PTPRD: variants seen among roughly 807,000 people sequenced by gnomAD.
The protein encoded by PTPRD is protein tyrosine phosphatase receptor type D, also known as receptor-type tyrosine-protein phosphatase delta.
PTPRD carries 34 observed loss-of-function variants against 214.5 expected under a neutral mutation model. That is an observed-to-expected ratio of 0.16 (90% CI 0.12 to 0.21). PTPRD has a LOEUF of 0.21. Among genes scored for constraint, PTPRD ranks in the 10% least tolerant of loss-of-function variants. The pLI is 1.00. For missense variants in PTPRD, 2,545 were observed against 2,398.7 expected, an observed-to-expected ratio of 1.06 and a Z score of -1.27; for synonymous variants, 1,128 against 845.7, an observed-to-expected ratio of 1.33 and a Z score of -5.79.
chr9:10,465,581 G>C (rs1588799661), intron 2 of PTPRD, among the ~76,000 whole-genome samples: 2 of 152,098 alleles, frequency 1.3e-5, no homozygotes, highest in African/African-American at 4.8e-5. Flanking sequence ...TGGTGTTATT[G>C]TAGCCATTGT....
chr9:9,153,735 C>G (rs2099878830), intron 10 of PTPRD, among the ~76,000 whole-genome samples: 2 of 152,054 alleles, frequency 1.3e-5, no homozygotes, highest in Admixed American at 6.6e-5. Flanking sequence ...CTTTTCTAGC[C>G]AATTACCTTG....
intron 8 of PTPRD, among the ~76,000 whole-genome samples, chr9:9,426,777 G>A (rs1226041030): frequency 1.3e-5 from 2 of 152,130 alleles, no homozygotes; most frequent in African/African-American, 4.8e-5. Flanking sequence ...CCCTCCGCTG[G>A]TGATACCCAG....
At chr9:9,856,315 C>T (rs2061547826) in intron 5 of PTPRD, among the ~76,000 whole-genome samples, 1 of 152,056 alleles carries the variant, frequency 6.6e-6, no homozygotes. Flanking sequence ...GAAAAGGCAA[C>T]ATTTGAGTGG....
At chr9:9,014,673 A>AAG (rs1196000336) in intron 11 of PTPRD, among the ~76,000 whole-genome samples, 2 of 152,112 alleles carry the variant, frequency 1.3e-5, no homozygotes, top group African/African-American at 2.4e-5. Flanking sequence ...TACATGGGAG[A>AAG]CAATCTGAGG....
intron 6 of PTPRD, among the ~76,000 whole-genome samples, chr9:9,742,700 G>GT (rs1405771363): frequency 6.6e-6 from 1 of 151,812 alleles, no homozygotes; most frequent in Admixed American, 6.6e-5. Context: ...TCTCAAATAT[G>GT]TAACACAAGA....
chr9:10,516,973 G>A (rs940083982), intron 2 of PTPRD, among the ~76,000 whole-genome samples: 6 of 151,730 alleles, frequency 4.0e-5, no homozygotes, highest in African/African-American at 1.5e-4. Context: ...AATTACTGTA[G>A]CTTTGTCATA....
At chr9:10,392,017 C>T (rs2098078074) in intron 2 of PTPRD, among the ~76,000 whole-genome samples, 1 of 151,742 alleles carries the variant, frequency 6.6e-6, no homozygotes, top group Non-Finnish European at 1.5e-5. Flanking sequence ...ATGCCTCTTC[C>T]CTTCCCTACT....
At chr9:10,115,118 A>T (rs2098720462) in intron 3 of PTPRD, among the ~76,000 whole-genome samples, 1 of 152,042 alleles carries the variant, frequency 6.6e-6, no homozygotes, top group African/African-American at 2.4e-5. Flanking sequence ...TGCCTATTAC[A>T]GAAGCAGTAA....
intron 3 of PTPRD, among the ~76,000 whole-genome samples, chr9:10,241,653 G>C (rs902064887): frequency 1.3e-5 from 2 of 151,956 alleles, no homozygotes; most frequent in Admixed American, 6.6e-5. Flanking sequence ...TTTACAGTGA[G>C]AAAAAGTAGA....
chr9:8,888,423 T>A (rs905083381), intron 11 of PTPRD, among the ~76,000 whole-genome samples: 1 of 152,178 alleles, frequency 6.6e-6, no homozygotes, highest in Non-Finnish European at 1.5e-5. Context: ...AAGGTAGATA[T>A]GCTTTTCAGG....
chr9:9,682,560 T>A (rs1417833962), intron 7 of PTPRD, among the ~76,000 whole-genome samples: 1 of 151,686 alleles, frequency 6.6e-6, no homozygotes, highest in Non-Finnish European at 1.5e-5. Context: ...TATGGAGGAA[T>A]GTTGGGGAAA....
chr9:10,506,951 C>T (rs891767960), intron 2 of PTPRD, among the ~76,000 whole-genome samples: 5 of 151,990 alleles, frequency 3.3e-5, no homozygotes, highest in Non-Finnish European at 7.4e-5. Flanking sequence ...TGCCTGATTG[C>T]CCTGGCCAGA....
At chr9:8,955,825 T>G (rs1409697648) in intron 11 of PTPRD, among the ~76,000 whole-genome samples, 1 of 151,892 alleles carries the variant, frequency 6.6e-6, no homozygotes, top group East Asian at 1.9e-4. Context: ...ATCTTAAATG[T>G]AACTGTCCTT....
intron 9 of PTPRD, among the ~76,000 whole-genome samples, chr9:9,346,493 A>C (rs1388402075): frequency 6.6e-6 from 1 of 152,160 alleles, no homozygotes; most frequent in African/African-American, 2.4e-5. Context: ...GTACTTATTT[A>C]TGAGTGATGC....
At chr9:8,393,639 C>G (rs988876507) in intron 36 of PTPRD, among the ~76,000 whole-genome samples, 1 of 152,104 alleles carries the variant, frequency 6.6e-6, no homozygotes, top group African/African-American at 2.4e-5. Flanking sequence ...CATGGCTCTA[C>G]TGCATTTATA....
rs1341249174 is a variant in PTPRD, at chr9:9,275,056, TA to T, written c.-202-91694del. Among the ~76,000 whole-genome samples, 5 of 65,904 alleles carry T rather than the reference TA, an allele frequency of 7.6e-5. 1 individual carries two copies. In the Admixed American group the frequency reaches 9.5e-4, roughly 12 times the overall value. The allele number at this position is 65,904 out of a possible 152,430, so 43.2% of individuals were successfully genotyped here. A position where few individuals can be genotyped will look rare whatever the true frequency, so the allele number is the denominator to read the frequency against. On this transcript the variant is annotated intron_variant, in intron 9 of 45. Transcript: ENST00000381196. ...ATCCCTTTGTTTCCATATATATATG[TA>T]TATATATATTATATATATATATATA...
At chr9:8,885,486 CTCT>C (rs2098479156) in intron 11 of PTPRD, among the ~76,000 whole-genome samples, 4 of 135,814 alleles carry the variant, frequency 2.9e-5, no homozygotes. Flanking sequence ...ACCACACAGC[CTCT>C]TTTTTTTTTT....
intron 5 of PTPRD, among the ~76,000 whole-genome samples, chr9:9,892,744 T>TA (rs34445709): frequency 0.22 from 31,051 of 144,056 alleles, 3,422 homozygotes; most frequent in African/African-American, 0.27. Flanking sequence ...AATAACGAGG[T>TA]AAAAAAAAAA....
intron 9 of PTPRD, among the ~76,000 whole-genome samples, chr9:9,354,576 A>G (rs1277917860): frequency 1.3e-5 from 2 of 151,792 alleles, no homozygotes; most frequent in Non-Finnish European, 2.9e-5. Flanking sequence ...TGAATGAAAC[A>G]AAGTTTCCTT....
Sources: allele counts gnomAD v4.1 joint callset (sites outside exome capture counted in the v4.1 genomes callset), GRCh38; gene constraint gnomAD v4.1.1; transcripts MANE v1.5; gene names NCBI Gene and HGNC (gene_info 2026-07-23, HGNC 2026-07-21).